The following DAB1 variants were observed in gnomAD, a reference collection of about 807,000 sequenced individuals.
The protein encoded by DAB1 is disabled homolog 1.
DAB1 carries 15 observed loss-of-function variants against 64.6 expected under a neutral mutation model. The ratio of observed to expected loss-of-function variants is 0.23; its 90% confidence interval spans 0.16 to 0.36. DAB1 has a LOEUF of 0.36. DAB1 is among the 10% of genes least tolerant of loss of function. DAB1 has a pLI of 1.00. For synonymous variants in DAB1, 235 were observed against 251.9 expected, an observed-to-expected ratio of 0.93 and a Z score of 0.64; for missense variants, 596 against 706.7, an observed-to-expected ratio of 0.84 and a Z score of 1.78.
intron 2 of DAB1, among the ~76,000 whole-genome samples, chr1:57,232,237 CATT>C (rs1220579443): frequency 1.1e-4 from 16 of 141,162 alleles, no homozygotes; most frequent in Non-Finnish European, 2.4e-4. Context: ...GCAATAAACC[CATT>C]ATTATTCCTG....
intron 9 of DAB1, among the ~76,000 whole-genome samples, chr1:57,039,741 T>C (rs1375783016): frequency 1.3e-5 from 2 of 152,178 alleles, no homozygotes; most frequent in Non-Finnish European, 2.9e-5. Flanking sequence ...TTCTTGAAAA[T>C]ATACATGAGG....
At chr1:57,327,992 T>C (rs1676318891) in intron 1 of DAB1, among the ~76,000 whole-genome samples, 1 of 152,174 alleles carries the variant, frequency 6.6e-6, no homozygotes, top group South Asian at 2.1e-4. Context: ...AGTCATTTTC[T>C]GGGGGAGGAA....
At chr1:58,494,503 T>C (rs1645758889) in intron 3 of DAB1, among the ~76,000 whole-genome samples, 1 of 152,068 alleles carries the variant, frequency 6.6e-6, no homozygotes, top group African/African-American at 2.4e-5. Flanking sequence ...GGGAGAAAAT[T>C]TTTGCAATCT....
At chr1:57,586,495 CTA>C (rs1187650819) in intron 7 of DAB1, among the ~76,000 whole-genome samples, 10 of 127,600 alleles carry the variant, frequency 7.8e-5, no homozygotes, top group Admixed American at 7.3e-4. Context: ...CTCTCTCTCT[CTA>C]TTTTTTTTCT....
chr1:57,097,064 T>G (rs1199226405), intron 4 of DAB1, among the ~76,000 whole-genome samples: 1 of 152,156 alleles, frequency 6.6e-6, no homozygotes, highest in Non-Finnish European at 1.5e-5. Context: ...AGTACCCAGA[T>G]TAGTATCTAG....
chr1:58,407,771 T>C (rs1348575552), intron 3 of DAB1, among the ~76,000 whole-genome samples: 3 of 152,172 alleles, frequency 2.0e-5, no homozygotes, highest in Non-Finnish European at 4.4e-5. Flanking sequence ...CTCCCCATCT[T>C]GTCCCCTGAA....
intron 3 of DAB1, among the ~76,000 whole-genome samples, chr1:58,436,637 A>C (rs1163944952): frequency 2.6e-5 from 4 of 152,264 alleles, no homozygotes; most frequent in Non-Finnish European, 5.9e-5. Flanking sequence ...CCTTTTGGGT[A>C]AAGGTTCAGA....
intron 4 of DAB1, among the ~76,000 whole-genome samples, chr1:58,334,519 C>T (rs1663053588): frequency 6.6e-6 from 1 of 151,332 alleles, no homozygotes; most frequent in Non-Finnish European, 1.5e-5. Context: ...TACTGACCAT[C>T]ATGGGTTAAG....
At chr1:57,685,297 A>G (rs1470994996) in intron 6 of DAB1, among the ~76,000 whole-genome samples, 1 of 151,654 alleles carries the variant, frequency 6.6e-6, no homozygotes, top group Non-Finnish European at 1.5e-5. Context: ...TTAAATTAAC[A>G]ACTATTAAGA....
chr1:57,161,502 G>A (rs1179429239), intron 2 of DAB1, among the ~76,000 whole-genome samples: 1 of 152,146 alleles, frequency 6.6e-6, no homozygotes, highest in Non-Finnish European at 1.5e-5. Flanking sequence ...CCTTTCTAAA[G>A]TTCACAACTT....
chr1:57,533,539 G>GTATATATATATATATATATATATATA (rs59378470), intron 7 of DAB1, among the ~76,000 whole-genome samples: 17 of 143,752 alleles, frequency 1.2e-4, no homozygotes, highest in African/African-American at 4.4e-4. Flanking sequence ...TTCATAACAG[G>GTATATATATATATATATATATATATA]TATATATATA....
chr1:57,347,300 T>A (rs543034995), intron 1 of DAB1, among the ~76,000 whole-genome samples: 2 of 152,312 alleles, frequency 1.3e-5, no homozygotes, highest in African/African-American at 4.8e-5. Context: ...GTAAGAATAA[T>A]AATACTTGCC....
chr1:57,520,927 A>G (rs4553222), intron 7 of DAB1, among the ~76,000 whole-genome samples: 10,618 of 152,008 alleles, frequency 0.07, 1,149 homozygotes, highest in African/African-American at 0.23. Context: ...CAGAAAAGAC[A>G]TTGGGAAGAC....
intron 7 of DAB1, among the ~76,000 whole-genome samples, chr1:57,444,036 T>C (rs1334944286): frequency 3.3e-5 from 5 of 152,166 alleles, no homozygotes; most frequent in African/African-American, 2.4e-5. Context: ...GCTTACTCCA[T>C]GTGCCCCCTG....
intron 2 of DAB1, among the ~76,000 whole-genome samples, chr1:57,147,941 G>T (rs1363016390): frequency 6.6e-6 from 1 of 152,186 alleles, no homozygotes; most frequent in Admixed American, 6.5e-5. Context: ...TTTGTGGTTT[G>T]CTTGTGTTCT....
Position 57,439,418 on chromosome 1 carries a change from G to GTTTTTTTTTTTTT in DAB1, n.626-148253_626-148252insAAAAAAAAAAAAA. Among the ~76,000 whole-genome samples the GTTTTTTTTTTTTT allele has an allele frequency of 5.1e-3, 594 of 115,938 alleles. 80 individuals are homozygous for GTTTTTTTTTTTTT. The highest frequency in any genetic ancestry group is 6.7e-3 in the Non-Finnish European group (396 of 58,754). 76.1% of individuals were successfully genotyped at this position (115,938 alleles called of 152,430 possible). A position where few individuals can be genotyped will look rare whatever the true frequency, so the allele number is the denominator to read the frequency against. ...GCCATGCCATCAACTTGGTGATGAG[G>GTTTTTTTTTTTTT]TTTTTTCTTTTTTTTTTTTTTTTTT... On this transcript the variant is annotated intron_variant and non_coding_transcript_variant, in intron 7 of 20. Transcript: ENST00000485760.
chr1:57,235,854 C>T (rs766523190), intron 2 of DAB1, among the ~76,000 whole-genome samples: 2 of 152,162 alleles, frequency 1.3e-5, no homozygotes, highest in Non-Finnish European at 2.9e-5. Flanking sequence ...TGTGAGCATC[C>T]CACCTTGCTG....
At chr1:57,985,435 A>G (rs975462082) in intron 5 of DAB1, among the ~76,000 whole-genome samples, 1 of 152,100 alleles carries the variant, frequency 6.6e-6, no homozygotes, top group African/African-American at 2.4e-5. Context: ...CTAACCCCCA[A>G]GGTTATAGTA....
At chr1:57,047,940 T>C (rs1648737404) in intron 9 of DAB1, among the ~76,000 whole-genome samples, 1 of 152,226 alleles carries the variant, frequency 6.6e-6, no homozygotes, top group Admixed American at 6.5e-5. Flanking sequence ...GCACTTGGTA[T>C]AGTCCTTTGT....
Sources: gnomAD v4.1 joint callset for allele counts (sites outside exome capture counted in the v4.1 genomes callset) on GRCh38, gnomAD v4.1.1 for gene constraint, MANE v1.5 for transcripts, NCBI Gene and HGNC (gene_info 2026-07-23, HGNC 2026-07-21) for gene names.